The following SENP7 variants were observed in gnomAD, a reference collection of about 807,000 sequenced individuals.
SENP7 encodes the protein sentrin-specific protease 7.
In SENP7, 64 loss-of-function variants were observed where a neutral mutation model predicts 141.2. That is an observed-to-expected ratio of 0.45 (90% CI 0.37 to 0.56). SENP7 has a LOEUF of 0.56. Ranked by LOEUF, SENP7 falls within the 20% of genes least tolerant of loss-of-function variation. The pLI, the probability that SENP7 is intolerant of heterozygous loss-of-function variation, is 0.00. For missense variants in SENP7, 1,025 were observed against 1,212.2 expected (o/e 0.85, Z 2.29); for synonymous variants, 382 against 426.4 (o/e 0.90, Z 1.28).
In SENP7 at chr3:101,404,398, C is replaced by A. The variant is rs918161257; in HGVS notation, c.483-5343G>T. ...AAATTGAAATTGAACCCGATTTTTA[C>A]ACCATATATAAAAATTATCTCAAGA... On this transcript the variant is annotated intron_variant, in intron 5 of 23. Transcript: ENST00000394095. Among the ~76,000 whole-genome samples, 9 of 152,198 alleles carry A rather than the reference C, an allele frequency of 5.9e-5. No individual in the cohort carries two copies. The East Asian group carries it at 1.7e-3, about 29-fold the overall frequency.
intron 3 of SENP7, among the ~76,000 whole-genome samples, chr3:101,488,973 C>T (rs974728210): frequency 8.5e-5 from 13 of 152,174 alleles, no homozygotes; most frequent in Admixed American, 3.3e-4. Flanking sequence ...TTGGCAGAAA[C>T]CTTGCAAACC....
intron 5 of SENP7, chr3:101,414,467 C>G (rs564543133): frequency 1.1e-5 from 15 of 1,420,688 alleles, no homozygotes; most frequent in Non-Finnish European, 1.4e-5. Context: ...CAGTGTACCA[C>G]GCAATGCAAC....
At chr3:101,436,081 G>C (rs983598803) in intron 4 of SENP7, among the ~76,000 whole-genome samples, 1 of 152,028 alleles carries the variant, frequency 6.6e-6, no homozygotes, top group Non-Finnish European at 1.5e-5. Context: ...CAAACACATA[G>C]ATCAATGGAA....
At chr3:101,496,843 G>A (rs2065177941) in intron 2 of SENP7, among the ~76,000 whole-genome samples, 1 of 152,196 alleles carries the variant, frequency 6.6e-6, no homozygotes, top group Non-Finnish European at 1.5e-5. Flanking sequence ...CTCCCAAAGT[G>A]CTGGGATTAT....
chr3:101,330,761 T>C (rs1041138210), intron 19 of SENP7, among the ~76,000 whole-genome samples: 1 of 152,224 alleles, frequency 6.6e-6, no homozygotes, highest in Non-Finnish European at 1.5e-5. Flanking sequence ...TTTGTGTAAG[T>C]ACACATTTGA....
chr3:101,454,155 C>A (rs1215671280), intron 4 of SENP7, among the ~76,000 whole-genome samples: 1 of 152,138 alleles, frequency 6.6e-6, no homozygotes. Flanking sequence ...GAAAGTTAAA[C>A]AATATTAATG....
In SENP7 at chr3:101,366,453, TG is replaced by T. The variant is rs1273839950; in HGVS notation, c.1294del (p.Gln432AsnfsTer3). 6.2e-7 allele frequency: 1 copy of T among 1,607,592 alleles called. No individual in the cohort carries two copies. Among genetic ancestry groups the T allele is most frequent in the Non-Finnish European group, 8.5e-7 (1 of 1,176,370 alleles). ...ACTTGGTTCAGCTGAGATCAGTGAT[TG>T]GTTCCCTTCATTATGTCCTCTTAGA... ...PILRGHNEGN[Q>X]SLISAEPIVV... is the part of the protein sequence containing the mutation. On this transcript the variant is annotated frameshift_variant, in exon 9 of 24. Transcript: ENST00000394095. LOFTEE classifies it high-confidence loss of function.
rs569121250 is a variant in SENP7 at position 101,460,233 on chromosome 3, A to G, written c.187-1181T>C. Among the ~76,000 whole-genome samples the G allele has an allele frequency of 7.2e-5, 11 of 152,338 alleles. No individual in the cohort carries two copies. In the South Asian group the frequency reaches 2.3e-3, roughly 32 times the overall value. ...TCTGATGATTAATTGCTAGAGGCTC[A>G]GAAGAACCAAAACAATCTTGAAGAA... On this transcript the variant is annotated intron_variant, in intron 3 of 23. Coordinates refer to ENST00000394095, the MANE Select transcript of SENP7 (RefSeq NM_020654.5).
intron 3 of SENP7, among the ~76,000 whole-genome samples, chr3:101,474,896 TTTAAAC>T (rs2064154427): frequency 1.3e-5 from 2 of 152,090 alleles, no homozygotes; most frequent in African/African-American, 4.8e-5. Flanking sequence ...ATGTAACTGG[TTTAAAC>T]TCCACAATTA....
intron 5 of SENP7, among the ~76,000 whole-genome samples, chr3:101,403,184 G>A (rs1014680393): frequency 1.3e-5 from 2 of 152,144 alleles, no homozygotes; most frequent in Non-Finnish European, 2.9e-5. Context: ...AATAAAACAC[G>A]TCACACAAAT....
chr3:101,391,231 G>A (rs1405375414), intron 6 of SENP7, among the ~76,000 whole-genome samples: 1 of 150,782 alleles, frequency 6.6e-6, no homozygotes, highest in Non-Finnish European at 1.5e-5. Flanking sequence ...GAAACAAAAA[G>A]ATAATAAAGT....
chr3:101,349,747 A>G (rs1224948279), intron 12 of SENP7, among the ~76,000 whole-genome samples: 3 of 152,094 alleles, frequency 2.0e-5, no homozygotes. Flanking sequence ...TCATGAGAAA[A>G]ATTTATACCT....
chr3:101,346,852 A>G (rs1203684450), intron 13 of SENP7, among the ~76,000 whole-genome samples: 1 of 152,008 alleles, frequency 6.6e-6, no homozygotes, highest in Non-Finnish European at 1.5e-5. Context: ...ACAAATTACC[A>G]CTAAAGAACT....
At chr3:101,463,378 T>TATATATATATATATATACAC (rs1553744688) in intron 3 of SENP7, among the ~76,000 whole-genome samples, 7 of 84,408 alleles carry the variant, frequency 8.3e-5, no homozygotes, top group African/African-American at 2.1e-4. Flanking sequence ...TATATATATA[T>TATATATATATATATATACAC]ATATATATAT....
chr3:101,337,164 A>G (rs938641874), intron 17 of SENP7: 10 of 160,720 alleles, frequency 6.2e-5, no homozygotes. Flanking sequence ...CTGTCCTGTG[A>G]GAGGTGGACT....
At chr3:101,351,596 T>C in intron 12 of SENP7, 22 bp downstream of exon 12, 3 of 1,338,598 alleles carry the variant, frequency 2.2e-6, no homozygotes, top group Non-Finnish European at 3.0e-6. Context: ...AAAGACAAGT[T>C]CATAAGAGAA....
At chr3:101,358,003 GA>G in intron 11 of SENP7, 1 of 624,144 alleles carries the variant, frequency 1.6e-6, no homozygotes, top group Non-Finnish European at 2.7e-6. Flanking sequence ...TTATTGGAGA[GA>G]AACCATACAA....
intron 16 of SENP7, among the ~76,000 whole-genome samples, chr3:101,339,893 C>T (rs1418388638): frequency 1.3e-5 from 2 of 152,142 alleles, no homozygotes; most frequent in Non-Finnish European, 2.9e-5. Context: ...CTCTTCTTAA[C>T]TATATAGCAT....
intron 5 of SENP7, among the ~76,000 whole-genome samples, chr3:101,415,835 TA>T (rs1345913047): frequency 2.0e-5 from 3 of 152,226 alleles, no homozygotes; most frequent in African/African-American, 7.2e-5. Flanking sequence ...ACCAACTTAT[TA>T]CTTGAAGTGA....
Sources: allele counts gnomAD v4.1 joint callset (sites outside exome capture counted in the v4.1 genomes callset), GRCh38; gene constraint gnomAD v4.1.1; transcripts MANE v1.5; gene names NCBI Gene and HGNC (gene_info 2026-07-23, HGNC 2026-07-21).